Variants in PNLIPRP3 observed in about 807,000 individuals in gnomAD.
PNLIPRP3 encodes the protein pancreatic lipase related protein 3, also known as pancreatic lipase-related protein 3.
PNLIPRP3 carries 58 observed loss-of-function variants against 52.8 expected under a neutral mutation model. The ratio of observed to expected loss-of-function variants is 1.10; its 90% confidence interval spans 0.89 to 1.37. PNLIPRP3 has a LOEUF of 1.37. PNLIPRP3 is among the 40% of genes most tolerant of loss of function. The pLI, the probability that PNLIPRP3 is intolerant of heterozygous loss-of-function variation, is 0.00. For synonymous variants in PNLIPRP3, 192 were observed against 185.0 expected (o/e 1.04, Z -0.31); for missense variants, 593 against 561.6 (o/e 1.06, Z -0.57).
rs942319171 is a variant in PNLIPRP3 at position 116,460,898 on chromosome 10, T to C, written c.566-68T>C. ...TAGAAATAATGTAGGAAAGGACACA[T>C]GCTTCCAAAGTAACAACAATATTAA... On this transcript the variant is annotated intron_variant, in intron 5 of 11. Coordinates refer to ENST00000369230, the MANE Select transcript of PNLIPRP3 (RefSeq NM_001011709.3). 11 of 1,566,608 alleles carry C rather than the reference T, an allele frequency of 7.0e-6. No homozygotes were observed. In the African/African-American group the frequency reaches 8.2e-5, roughly 12 times the overall value.
chr10:116,440,582 A>C (rs1845844181), intron 2 of PNLIPRP3, among the ~76,000 whole-genome samples: 1 of 152,212 alleles, frequency 6.6e-6, no homozygotes, highest in African/African-American at 2.4e-5. Context: ...GGACTCATTT[A>C]TAAACAAATC....
intron 1 of PNLIPRP3, among the ~76,000 whole-genome samples, chr10:116,430,502 G>A (rs1845696151): frequency 6.6e-6 from 1 of 152,174 alleles, no homozygotes; most frequent in Admixed American, 6.5e-5. Flanking sequence ...GGAAATAGGT[G>A]AAGTGTTGGG....
In PNLIPRP3 at chr10:116,433,899, C is replaced by T. The variant is rs150842846; in HGVS notation, c.50-2812C>T. ...TTGTAAGCCAGTGAGATGTGAGGGG[C>T]TGTTTATTACCATAAAGTAACCTAG... On this transcript the variant is annotated intron_variant, in intron 1 of 11. Transcript: ENST00000369230. Among the ~76,000 whole-genome samples the T allele has an allele frequency of 3.2e-3, 485 of 152,306 alleles. 2 individuals are homozygous for T. The highest frequency in any genetic ancestry group is 0.011 in the African/African-American group (456 of 41,560).
At position 116,444,490 on chromosome 10, in the gene PNLIPRP3, G is replaced by T; in HGVS notation, c.433G>T (p.Ala145Ser). Residue 145 changes from alanine (A) to serine (S), a missense_variant, in exon 4 of 12, where the codon GCT (alanine) becomes TCT (serine). By Grantham distance (99) the Ala-to-Ser change is moderately conservative (BLOSUM62 1). Transcript: ENST00000369230. The stretch of plus-strand genomic sequence containing the variant: ...TCTCCGTGTTGTTGGTGCTGAGGTG[G>T]CTTATTTTATTGATGTTCTCATGGT... ...NNLRVVGAEV[A>S]YFIDVLMKKF... The T allele has an allele frequency of 6.2e-7, 1 of 1,613,204 alleles. No homozygotes were observed.
intron 1 of PNLIPRP3, among the ~76,000 whole-genome samples, chr10:116,432,385 G>A (rs1239535183): frequency 1.3e-5 from 2 of 152,016 alleles, no homozygotes; most frequent in Admixed American, 1.3e-4. Context: ...TTTTTCAAAT[G>A]TTTCTTTAAA....
At chr10:116,455,605 G>T in intron 4 of PNLIPRP3, 117 bp from the exon 5 acceptor site, 3 of 717,300 alleles carry the variant, frequency 4.2e-6, no homozygotes, top group Non-Finnish European at 6.9e-6. Context: ...ACCAGTCCCT[G>T]TCTTATGTGC....
Position 116,476,997 on chromosome 10 carries a change from A to T in PNLIPRP3, c.1341-93A>T. ...TATATGTGCAGAAGTGTTAGAAAAT[A>T]AGAATTACTCATTAAATCGGGGGAT... On this transcript the variant is annotated intron_variant, in intron 11 of 11. Coordinates refer to ENST00000369230, the MANE Select transcript of PNLIPRP3 (RefSeq NM_001011709.3). The T allele has an allele frequency of 2.4e-6, 3 of 1,232,344 alleles. No individual in the cohort carries two copies. In the South Asian group the frequency reaches 4.2e-5, roughly 17 times the overall value. The allele number at this position is 1,232,344 out of a possible 1,614,324, so 76.3% of individuals were successfully genotyped here.
chr10:116,476,575 C>T, intron 10 of PNLIPRP3, 77 bp from the exon 11 acceptor site: 3 of 1,158,982 alleles, frequency 2.6e-6, no homozygotes, highest in Non-Finnish European at 3.6e-6. Flanking sequence ...TTCCATAGTG[C>T]ATACACAGAT....
chr10:116,447,108 T>A (rs145010205), intron 4 of PNLIPRP3, among the ~76,000 whole-genome samples: 3 of 152,288 alleles, frequency 2.0e-5, no homozygotes, highest in Non-Finnish European at 4.4e-5. Context: ...ATACCCTAGA[T>A]CCCATGTTCT....
chr10:116,464,510 G>A (rs1436433100), intron 7 of PNLIPRP3, among the ~76,000 whole-genome samples: 1 of 152,170 alleles, frequency 6.6e-6, no homozygotes, highest in East Asian at 1.9e-4. Flanking sequence ...ACCTGCCAAG[G>A]GTGAGCCAGG....
chr10:116,452,272 A>C (rs1448954052), intron 4 of PNLIPRP3, among the ~76,000 whole-genome samples: 1 of 152,240 alleles, frequency 6.6e-6, no homozygotes, highest in Admixed American at 6.5e-5. Context: ...CTACAATCAG[A>C]TATGGGAGCA....
At position 116,443,010 on chromosome 10, in the gene PNLIPRP3, A is replaced by C. The variant is rs780576575; in HGVS notation, c.205-45A>C. Reference sequence around the variant, plus strand: ...GAATAGGTCTACTAACTATTAAATAATTTTTAATTATTATTTTTCCTTAAT... The same window carrying C: ...GAATAGGTCTACTAACTATTAAATACTTTTTAATTATTATTTTTCCTTAAT... On this transcript the variant is annotated intron_variant, in intron 2 of 11. Coordinates refer to ENST00000369230, the MANE Select transcript of PNLIPRP3 (RefSeq NM_001011709.3). The C allele has an allele frequency of 1.2e-5, 17 of 1,414,126 alleles. No homozygotes were observed. The African/African-American group carries it at 1.4e-4, about 12-fold the overall frequency. The allele number at this position is 1,414,126 out of a possible 1,614,324, so 87.6% of individuals were successfully genotyped here. A position where few individuals can be genotyped will look rare whatever the true frequency, so the allele number is the denominator to read the frequency against.
intron 4 of PNLIPRP3, among the ~76,000 whole-genome samples, chr10:116,453,121 C>T (rs967349818): frequency 6.6e-6 from 1 of 152,184 alleles, no homozygotes; most frequent in Non-Finnish European, 1.5e-5. Flanking sequence ...CTCCTCACAC[C>T]AGAATATGGA....
chr10:116,443,615 GTT>G (rs1253396339), intron 3 of PNLIPRP3, among the ~76,000 whole-genome samples: 1,043 of 16,846 alleles, frequency 0.062, 13 homozygotes, highest in Non-Finnish European at 0.39. Context: ...ATATATATGT[GTT>G]TTATATATAT....
intron 4 of PNLIPRP3, 60 bp from the exon 5 acceptor site, chr10:116,455,662 A>G (rs1404303197): frequency 8.3e-6 from 10 of 1,204,794 alleles, no homozygotes; most frequent in Non-Finnish European, 1.2e-5. Context: ...TTTTTAAAGC[A>G]TATTTAAGCT....
At chr10:116,458,142 TA>T (rs141881845) in intron 5 of PNLIPRP3, among the ~76,000 whole-genome samples, 5,512 of 152,262 alleles carry the variant, frequency 0.036, 138 homozygotes, top group Middle Eastern at 0.055. Flanking sequence ...TAAATATAGT[TA>T]GGGGGTTACT....
chr10:116,472,179 C>T (rs1343197184), intron 10 of PNLIPRP3, among the ~76,000 whole-genome samples: 1 of 151,916 alleles, frequency 6.6e-6, no homozygotes, highest in Non-Finnish European at 1.5e-5. Flanking sequence ...ATTTTTAATC[C>T]CATTCACTTA....
chr10:116,469,073 A>C, intron 8 of PNLIPRP3, 112 bp from the exon 9 acceptor site: 1 of 1,112,836 alleles, frequency 9.0e-7, no homozygotes, highest in Non-Finnish European at 1.2e-6. Flanking sequence ...TAAAATGCAT[A>C]TCCTTTATTT....
At chr10:116,471,686 C>T in intron 9 of PNLIPRP3, 82 bp from the exon 10 acceptor site, 1 of 1,069,220 alleles carries the variant, frequency 9.4e-7, no homozygotes, top group Non-Finnish European at 1.4e-6. Context: ...AATTTTATTT[C>T]CATTAAAGGA....
Sources: gnomAD v4.1 joint callset for allele counts (sites outside exome capture counted in the v4.1 genomes callset) on GRCh38, gnomAD v4.1.1 for gene constraint, MANE v1.5 for transcripts, NCBI Gene and HGNC (gene_info 2026-07-23, HGNC 2026-07-21) for gene names.